Variants in COL14A1 observed in about 807,000 individuals in gnomAD.
COL14A1 encodes collagen alpha-1(XIV) chain.
COL14A1 carries 136 observed loss-of-function variants against 230.3 expected under a neutral mutation model. The observed-to-expected ratio is 0.59, with a 90% CI of 0.51 to 0.68. The LOEUF (loss-of-function observed/expected upper bound fraction) is 0.68. Ranked by LOEUF, COL14A1 falls within the 30% of genes least tolerant of loss-of-function variation. COL14A1 has a pLI of 0.00. For missense variants in COL14A1, 1,976 were observed against 2,215.8 expected (o/e 0.89, Z 2.17); for synonymous variants, 792 against 784.1 (o/e 1.01, Z -0.17).
At chr8:120,230,906 C>T (rs1431055347) in intron 18 of COL14A1, among the ~76,000 whole-genome samples, 1 of 152,170 alleles carries the variant, frequency 6.6e-6, no homozygotes, top group Non-Finnish European at 1.5e-5. Context: ...CCAGGAAACA[C>T]AGGTAAAGGA....
At chr8:120,134,143 A>C (rs943050051) in intron 1 of COL14A1, among the ~76,000 whole-genome samples, 2 of 152,044 alleles carry the variant, frequency 1.3e-5, no homozygotes, top group African/African-American at 2.4e-5. Flanking sequence ...TGATGTAAAG[A>C]TGGACTATTG....
chr8:120,137,801 G>A (rs934719212), intron 1 of COL14A1, among the ~76,000 whole-genome samples: 12 of 151,374 alleles, frequency 7.9e-5, no homozygotes, highest in Non-Finnish European at 1.8e-4. Context: ...ATTAGATGAG[G>A]TCTTTCTGTG....
intron 23 of COL14A1, among the ~76,000 whole-genome samples, chr8:120,260,836 A>G (rs569043157): frequency 1.8e-4 from 27 of 152,300 alleles, no homozygotes; most frequent in East Asian, 1.5e-3. Context: ...TACATTTTAT[A>G]TGCACTCAAC....
Position 120,315,955 on chromosome 8 carries a change from A to C in COL14A1, c.4617A>C (p.Gly1539=), listed in dbSNP as rs765569342. The C allele has an allele frequency of 7.4e-6, 12 of 1,613,812 alleles. No homozygotes were observed. The African/African-American group carries it at 9.3e-5, about 13-fold the overall frequency. Residue 1539 remains glycine (G), a synonymous_variant, in exon 40 of 48, where the codon GGA becomes GGC. Coordinates refer to ENST00000297848, the MANE Select transcript of COL14A1 (RefSeq NM_021110.4). Reference sequence around the variant, plus strand: ...CCTGTTCTACACAGGGTATCCCAGGAGGCGTTGGTTCACCAGGACGTGATG... The same window carrying C: ...CCTGTTCTACACAGGGTATCCCAGGCGGCGTTGGTTCACCAGGACGTGATG... ...TGLPGPQGIP[G]GVGSPGRDGS... is the part of the protein sequence containing the mutation.
chr8:120,357,651 A>G (rs772814662), intron 45 of COL14A1, among the ~76,000 whole-genome samples: 7 of 152,088 alleles, frequency 4.6e-5, no homozygotes, highest in Non-Finnish European at 8.8e-5. Flanking sequence ...CTGGCTGTGC[A>G]TTGCGAAGAG....
intron 2 of COL14A1, among the ~76,000 whole-genome samples, chr8:120,156,257 C>A (rs1425263373): frequency 6.6e-6 from 1 of 151,884 alleles, no homozygotes; most frequent in Non-Finnish European, 1.5e-5. Flanking sequence ...GCAGTCTCCG[C>A]CTCCTGGATT....
intron 26 of COL14A1, among the ~76,000 whole-genome samples, chr8:120,272,363 G>A (rs1158524636): frequency 2.0e-5 from 3 of 151,602 alleles, no homozygotes; most frequent in Non-Finnish European, 4.4e-5. Flanking sequence ...AAAACTCATA[G>A]GGCCTATAAA....
chr8:120,369,594 G>A, intron 47 of COL14A1, 109 bp downstream of exon 47: 1 of 1,103,938 alleles, frequency 9.1e-7, no homozygotes, highest in Non-Finnish European at 1.2e-6. Context: ...GTTATGAATG[G>A]GAAGCAGAGC....
intron 14 of COL14A1, among the ~76,000 whole-genome samples, chr8:120,222,622 C>G (rs1473382300): frequency 2.6e-5 from 4 of 152,164 alleles, no homozygotes; most frequent in Admixed American, 6.5e-5. Flanking sequence ...GGTTGGCACT[C>G]TTTTTTGACC....
At chr8:120,322,227 G>C (rs1309643016) in intron 40 of COL14A1, among the ~76,000 whole-genome samples, 1 of 151,304 alleles carries the variant, frequency 6.6e-6, no homozygotes, top group Admixed American at 6.6e-5. Context: ...CTGTTGGGGG[G>C]TGGGGTTGGG....
At chr8:120,345,634 T>C in intron 45 of COL14A1, 71 bp downstream of exon 45, 1 of 1,258,336 alleles carries the variant, frequency 7.9e-7, no homozygotes, top group South Asian at 2.0e-5. Flanking sequence ...TTATAGTGGT[T>C]CTTATACAAG....
intron 5 of COL14A1, among the ~76,000 whole-genome samples, chr8:120,195,707 T>G (rs896954805): frequency 6.6e-6 from 1 of 152,232 alleles, no homozygotes; most frequent in African/African-American, 2.4e-5. Flanking sequence ...TATAAAACCA[T>G]CAGATCTTGT....
intron 8 of COL14A1, among the ~76,000 whole-genome samples, chr8:120,200,299 C>T (rs1301465394): frequency 1.3e-5 from 2 of 151,814 alleles, no homozygotes; most frequent in East Asian, 3.9e-4. Flanking sequence ...CATGAAGGGT[C>T]CCTTTTATTA....
At chr8:120,336,282 T>G (rs1822068529) in intron 42 of COL14A1, among the ~76,000 whole-genome samples, 1 of 151,680 alleles carries the variant, frequency 6.6e-6, no homozygotes, top group Non-Finnish European at 1.5e-5. Flanking sequence ...GGGGTGGGAG[T>G]AGCGGCTTCA....
chr8:120,369,596 A>C, intron 47 of COL14A1, 111 bp downstream of exon 47: 1 of 1,087,842 alleles, frequency 9.2e-7, no homozygotes, highest in South Asian at 2.4e-5. Context: ...TATGAATGGG[A>C]AGCAGAGCTT....
intron 9 of COL14A1, among the ~76,000 whole-genome samples, chr8:120,204,324 C>G (rs763159841): frequency 6.6e-6 from 1 of 152,174 alleles, no homozygotes; most frequent in Non-Finnish European, 1.5e-5. Flanking sequence ...TAGCCACACT[C>G]ACTTATATCC....
intron 23 of COL14A1, among the ~76,000 whole-genome samples, chr8:120,258,874 C>T (rs1260790474): frequency 6.6e-6 from 1 of 152,112 alleles, no homozygotes; most frequent in Non-Finnish European, 1.5e-5. Context: ...TTTTGAGTTG[C>T]CTTGGCACCT....
intron 5 of COL14A1, 93 bp downstream of exon 5, chr8:120,168,340 G>T: frequency 1.2e-6 from 1 of 855,238 alleles, no homozygotes; most frequent in Non-Finnish European, 1.9e-6. Flanking sequence ...TCCCATCTAA[G>T]AAGGGCAGGT....
chr8:120,160,885 G>A (rs890595361), intron 3 of COL14A1, among the ~76,000 whole-genome samples: 2 of 152,086 alleles, frequency 1.3e-5, no homozygotes, highest in African/African-American at 2.4e-5. Flanking sequence ...AGAGTTTAAA[G>A]CTTTTTTTGT....
Sources: allele counts gnomAD v4.1 joint callset (sites outside exome capture counted in the v4.1 genomes callset), GRCh38; gene constraint gnomAD v4.1.1; transcripts MANE v1.5; gene names NCBI Gene and HGNC (gene_info 2026-07-23, HGNC 2026-07-21).